CDH8: variants seen among roughly 807,000 people sequenced by gnomAD.
CDH8 encodes the protein cadherin-8.
A neutral mutation model predicts 68.1 loss-of-function variants in CDH8; 17 were observed. The ratio of observed to expected loss-of-function variants is 0.25; its 90% CI spans 0.17 to 0.37. The LOEUF (loss-of-function observed/expected upper bound fraction) is 0.37, where lower values mean the gene tolerates loss of function less well. CDH8 is among the 10% of genes least tolerant of loss of function. The probability of loss-of-function intolerance (pLI) is 1.00; values close to 1 mark genes in which losing one functional copy is unlikely to be tolerated. For synonymous variants in CDH8, 372 were observed against 365.1 expected, an observed-to-expected ratio of 1.02 and a Z score of -0.21; for missense variants, 763 against 999.3, an observed-to-expected ratio of 0.76 and a Z score of 3.19.
At chr16:61,867,585 T>C (rs1304949045) in intron 3 of CDH8, among the ~76,000 whole-genome samples, 3 of 152,152 alleles carry the variant, frequency 2.0e-5, no homozygotes, top group Non-Finnish European at 4.4e-5. Context: ...AGGGTACCCA[T>C]GAATTTGACT....
chr16:61,911,687 T>C (rs1964165781), intron 2 of CDH8, among the ~76,000 whole-genome samples: 1 of 151,044 alleles, frequency 6.6e-6, no homozygotes, highest in African/African-American at 2.4e-5. Context: ...GATATAGATA[T>C]GTGTATAGAT....
intron 5 of CDH8, 35 bp from the exon 6 acceptor site, chr16:61,821,148 A>C: frequency 6.5e-7 from 1 of 1,533,040 alleles, no homozygotes; most frequent in South Asian, 1.2e-5. Context: ...GAGTCACACA[A>C]ATTCCAACCA....
rs116777896 is a variant in CDH8, at chr16:61,895,092, T to C, written c.547+6087A>G. On this transcript the variant is annotated intron_variant, in intron 3 of 11. Transcript: ENST00000577390. Reference sequence around the variant, plus strand: ...GACATTTTTAAAGTGCTCATATTCCTATATTGAAAATTATATAATACCTCC... The same window carrying C: ...GACATTTTTAAAGTGCTCATATTCCCATATTGAAAATTATATAATACCTCC... Among the ~76,000 whole-genome samples, 633 of 152,282 alleles carry C rather than the reference T, an allele frequency of 4.2e-3. 2 individuals carry two copies. Among genetic ancestry groups the C allele is most frequent in the African/African-American group, 0.015 (610 of 41,574 alleles).
rs371254789 is a variant in CDH8, at chr16:61,732,151, T to C, written c.1415-4936A>G. On this transcript the variant is annotated intron_variant, in intron 8 of 11. Coordinates refer to ENST00000577390, the MANE Select transcript of CDH8 (RefSeq NM_001796.5). ...ACCATTAAGTGTCATATATGCATAATAGTAATGAGAGAAGAAAAGGAGACA... is the reference window on the plus strand; with the variant it reads ...ACCATTAAGTGTCATATATGCATAACAGTAATGAGAGAAGAAAAGGAGACA... Among the ~76,000 whole-genome samples, 44 of 151,474 alleles carry C rather than the reference T, an allele frequency of 2.9e-4. 1 individual carries two copies. In the East Asian group the frequency reaches 5.9e-3, roughly 20 times the overall value.
chr16:61,873,651 A>AT (rs1201361589), intron 3 of CDH8, among the ~76,000 whole-genome samples: 1 of 151,940 alleles, frequency 6.6e-6, no homozygotes, highest in Non-Finnish European at 1.5e-5. Context: ...TTGAATTTTG[A>AT]TTTTTTCCTG....
Position 61,820,943 on chromosome 16 carries a change from T to C in CDH8, c.1006A>G (p.Ile336Val). ...TAGCTTACTTTTCTTAGCCTTATAA[T>C]GCCATCCTGGGCCTGGGCATCAGAA... ...ITSDAQAQDG[I>V]IRLRKPLDFE... Residue 336 changes from isoleucine (I) to valine (V), a missense_variant, in exon 6 of 12, where the codon ATT (isoleucine) becomes GTT (valine). This residue lies in a region of CDH8 where 366 missense variants were observed against 563.1 expected (regional missense o/e 0.65). Transcript: ENST00000577390. 1 of 1,611,868 alleles carries C rather than the reference T, an allele frequency of 6.2e-7. No individual in the cohort carries two copies. Among genetic ancestry groups the C allele is most frequent in the Non-Finnish European group, 8.5e-7 (1 of 1,178,618 alleles).
intron 2 of CDH8, among the ~76,000 whole-genome samples, chr16:61,999,352 G>A (rs568490820): frequency 3.2e-4 from 48 of 152,246 alleles, no homozygotes; most frequent in African/African-American, 1.2e-3. Flanking sequence ...TTTGGAGACT[G>A]GAGCTATTAA....
intron 2 of CDH8, among the ~76,000 whole-genome samples, chr16:61,979,170 T>A (rs921751691): frequency 2.6e-5 from 4 of 152,098 alleles, no homozygotes; most frequent in Admixed American, 1.3e-4. Context: ...AAATTTTGGC[T>A]ACTGACAATG....
chr16:62,019,834 G>A (rs887869752), intron 2 of CDH8, among the ~76,000 whole-genome samples: 3 of 152,072 alleles, frequency 2.0e-5, no homozygotes, highest in African/African-American at 7.2e-5. Flanking sequence ...GAATCAGAAA[G>A]GTTGGTGCCC....
chr16:61,942,650 C>T (rs577137518), intron 2 of CDH8, among the ~76,000 whole-genome samples: 1 of 152,326 alleles, frequency 6.6e-6, no homozygotes, highest in South Asian at 2.1e-4. Context: ...TCACAACTCA[C>T]CAACCACCTG....
intron 2 of CDH8, among the ~76,000 whole-genome samples, chr16:61,949,820 A>AAAT (rs1421996070): frequency 1.3e-5 from 2 of 151,856 alleles, no homozygotes; most frequent in African/African-American, 4.8e-5. Context: ...CATCTCTACT[A>AAAT]AATAATAATA....
intron 2 of CDH8, among the ~76,000 whole-genome samples, chr16:61,953,133 G>T (rs1341197620): frequency 2.0e-5 from 3 of 152,118 alleles, no homozygotes; most frequent in Non-Finnish European, 4.4e-5. Flanking sequence ...TTGTCAGAAG[G>T]TGCCATCTAT....
chr16:61,965,603 A>G (rs1965234143), intron 2 of CDH8, among the ~76,000 whole-genome samples: 1 of 152,224 alleles, frequency 6.6e-6, no homozygotes, highest in Non-Finnish European at 1.5e-5. Flanking sequence ...ATGTCTCATA[A>G]AGTAACTCCT....
intron 1 of CDH8, among the ~76,000 whole-genome samples, chr16:62,033,605 G>A (rs1902379989): frequency 6.6e-6 from 1 of 152,188 alleles, no homozygotes. Context: ...CCAATTTGCA[G>A]GGAGAATAGA....
intron 4 of CDH8, among the ~76,000 whole-genome samples, chr16:61,847,870 C>A (rs185525552): frequency 1.3e-5 from 2 of 149,512 alleles, no homozygotes; most frequent in East Asian, 4.0e-4. Context: ...TCTATATCTA[C>A]CAACTATCCT....
In CDH8 at chr16:61,771,739, A is replaced by C. The variant is rs77737477; in HGVS notation, c.1414+17607T>G. Reference sequence around the variant, plus strand: ...CACACATACATATATTCTGTACATCAACTCAAGTGAGTTACAGCTTTTTAT... The same window carrying C: ...CACACATACATATATTCTGTACATCCACTCAAGTGAGTTACAGCTTTTTAT... On this transcript the variant is annotated intron_variant, in intron 8 of 11. Transcript: ENST00000577390. 4.2e-3 allele frequency among the ~76,000 whole-genome samples: 644 copies of C among 152,074 alleles called. 1 individual carries two copies. Among genetic ancestry groups the C allele is most frequent in the African/African-American group, 0.013 (560 of 41,528 alleles).
At chr16:61,782,941 C>T (rs1348586076) in intron 8 of CDH8, among the ~76,000 whole-genome samples, 1 of 151,924 alleles carries the variant, frequency 6.6e-6, no homozygotes, top group African/African-American at 2.4e-5. Context: ...ATCTGTACAT[C>T]ACCATCATCA....
intron 8 of CDH8, among the ~76,000 whole-genome samples, chr16:61,757,611 A>T (rs1156743363): frequency 6.6e-6 from 1 of 152,102 alleles, no homozygotes; most frequent in Non-Finnish European, 1.5e-5. Context: ...CACTGTGCTA[A>T]TTTCTAAGCT....
rs1183576865 is a variant in CDH8 at position 61,960,362 on chromosome 16, CACAT to C, written c.253-58893_253-58890del. Among the ~76,000 whole-genome samples, 2 of 99,442 alleles carry C rather than the reference CACAT, an allele frequency of 2.0e-5. 1 individual carries two copies. Among genetic ancestry groups the C allele is most frequent in the Admixed American group, 2.1e-4 (2 of 9,596 alleles). 65.2% of individuals were successfully genotyped at this position (99,442 alleles called of 152,430 possible). ...ACATATATACATGTGTGTGTGTATA[CACAT>C]ACATATATACATGTGTGTGTGTATA... is the stretch of plus-strand genomic sequence containing the variant. On this transcript the variant is annotated intron_variant, in intron 2 of 11. Coordinates refer to ENST00000577390, the MANE Select transcript of CDH8 (RefSeq NM_001796.5).
Sources: allele counts gnomAD v4.1 joint callset (sites outside exome capture counted in the v4.1 genomes callset), GRCh38; gene constraint gnomAD v4.1.1; regional missense constraint gnomAD v4.1.1; transcripts MANE v1.5; gene names NCBI Gene and HGNC (gene_info 2026-07-23, HGNC 2026-07-21).